The following ATRN variants were observed in gnomAD, a reference collection of about 807,000 sequenced individuals.
The protein encoded by ATRN is attractin-2.
ATRN carries 54 observed loss-of-function variants against 178.7 expected under a neutral mutation model. The ratio of observed to expected loss-of-function variants is 0.30; its 90% CI spans 0.24 to 0.38. The LOEUF (loss-of-function observed/expected upper bound fraction) is 0.38. Ranked by LOEUF, ATRN falls within the 10% of genes least tolerant of loss-of-function variation. The pLI, the probability that ATRN is intolerant of heterozygous loss-of-function variation, is 1.00. For synonymous variants in ATRN, 636 were observed against 663.0 expected, an observed-to-expected ratio of 0.96 and a Z score of 0.63; for missense variants, 1,443 against 1,815.1, an observed-to-expected ratio of 0.79 and a Z score of 3.73.
intron 24 of ATRN, among the ~76,000 whole-genome samples, chr20:3,618,793 G>A (rs992619410): frequency 6.6e-6 from 1 of 152,200 alleles, no homozygotes. Flanking sequence ...CTGGTCCAGA[G>A]CTGTGGTCTT....
chr20:3,580,166 G>C (rs2086263319), intron 15 of ATRN, among the ~76,000 whole-genome samples: 1 of 151,992 alleles, frequency 6.6e-6, no homozygotes, highest in Admixed American at 6.6e-5. Context: ...TCCATCCTTG[G>C]CTGGCAGCTG....
chr20:3,561,922 T>C (rs990723682), intron 8 of ATRN, among the ~76,000 whole-genome samples: 1 of 152,058 alleles, frequency 6.6e-6, no homozygotes, highest in African/African-American at 2.4e-5. Flanking sequence ...AGATGGGATC[T>C]TGCTATGTTG....
At chr20:3,559,343 G>A (rs2085920292) in intron 6 of ATRN, 50 bp from the exon 7 acceptor site, 3 of 1,318,436 alleles carry the variant, frequency 2.3e-6, no homozygotes, top group Non-Finnish European at 2.2e-6. Flanking sequence ...AATAGTATGA[G>A]ATGTTCTGTC....
chr20:3,475,031 CAAAAAA>C (rs1189030441), intron 1 of ATRN, among the ~76,000 whole-genome samples: 2 of 55,806 alleles, frequency 3.6e-5, no homozygotes, highest in Non-Finnish European at 7.6e-5. Flanking sequence ...GACTCCATCT[CAAAAAA>C]AAAAAAAAAA....
At chr20:3,600,119 GA>G (rs1231697603) in intron 22 of ATRN, among the ~76,000 whole-genome samples, 1 of 152,154 alleles carries the variant, frequency 6.6e-6, no homozygotes, top group Non-Finnish European at 1.5e-5. Context: ...CCAGTTAAGA[GA>G]TGTACTAGTC....
chr20:3,582,372 T>A lies in ATRN; in HGVS notation c.2764+18T>A. Reference sequence around the variant, plus strand: ...AAGGCCTGGTAAGTTCACAGGTGAATTAGGTGGTATTCAGAGTTTATTGTG... The same window carrying A: ...AAGGCCTGGTAAGTTCACAGGTGAAATAGGTGGTATTCAGAGTTTATTGTG... On this transcript the variant is annotated intron_variant, in intron 16 of 28. Transcript: ENST00000262919. The A allele has an allele frequency of 6.2e-7, 1 of 1,607,012 alleles. No individual in the cohort carries two copies.
At chr20:3,622,541 T>C (rs1207084169) in intron 24 of ATRN, among the ~76,000 whole-genome samples, 1 of 152,244 alleles carries the variant, frequency 6.6e-6, no homozygotes, top group Non-Finnish European at 1.5e-5. Context: ...AGCACTCTCC[T>C]TCATCTTCAG....
At chr20:3,471,654 C>T (rs2084425898) in intron 1 of ATRN, 137 bp downstream of exon 1, 2 of 1,159,154 alleles carry the variant, frequency 1.7e-6, no homozygotes, top group East Asian at 3.2e-5. Flanking sequence ...GTTTGAGGGC[C>T]ATTTGCTTCC....
At chr20:3,553,670 C>A (rs1459619852) in intron 6 of ATRN, among the ~76,000 whole-genome samples, 1 of 152,186 alleles carries the variant, frequency 6.6e-6, no homozygotes, top group African/African-American at 2.4e-5. Context: ...CCCCACCAAC[C>A]TGCTTTCTTA....
At chr20:3,529,254 C>T (rs1350118998) in intron 1 of ATRN, among the ~76,000 whole-genome samples, 2 of 152,184 alleles carry the variant, frequency 1.3e-5, no homozygotes, top group Admixed American at 6.5e-5. Context: ...ACTCTCATAT[C>T]TTGAAAATGT....
chr20:3,486,194 A>G (rs1274099492), intron 1 of ATRN, among the ~76,000 whole-genome samples: 2 of 152,044 alleles, frequency 1.3e-5, no homozygotes, highest in Non-Finnish European at 2.9e-5. Flanking sequence ...ATTTCAAATA[A>G]ACAAAAATGG....
intron 25 of ATRN, among the ~76,000 whole-genome samples, chr20:3,633,462 A>AT (rs2087003617): frequency 6.6e-6 from 1 of 152,210 alleles, no homozygotes; most frequent in East Asian, 1.9e-4. Flanking sequence ...ACAAACGCAG[A>AT]GCTCAGCCAG....
chr20:3,648,143 A>AG lies in ATRN; in HGVS notation c.*1298dup, dbSNP rs2087120449. The AG allele has an allele frequency of 6.6e-6, 1 of 152,176 alleles. No individual in the cohort carries two copies. The highest frequency in any genetic ancestry group is 6.5e-5 in the Admixed American group (1 of 15,286). 9.4% of individuals were successfully genotyped at this position (152,176 alleles called of 1,614,324 possible). A position where few individuals can be genotyped will look rare whatever the true frequency, so the allele number is the denominator to read the frequency against. ...GCAGAAGCTGCCCAAAGCCTGGAGAAGGACTTGTTTGCCCTCTTTCCCCCA... is the reference window on the plus strand; with the variant it reads ...GCAGAAGCTGCCCAAAGCCTGGAGAAGGGACTTGTTTGCCCTCTTTCCCCCA... On this transcript the variant is annotated 3_prime_UTR_variant, in exon 29 of 29. Transcript: ENST00000262919.
At chr20:3,646,615 T>C (rs1309561465) in intron 28 of ATRN, 108 bp from the exon 29 acceptor site, 1 of 1,398,886 alleles carries the variant, frequency 7.1e-7, no homozygotes, top group East Asian at 2.6e-5. Context: ...GTTTTTTGGT[T>C]TGTTTGTTTT....
chr20:3,587,818 G>T (rs1222339599), intron 18 of ATRN, among the ~76,000 whole-genome samples: 1 of 151,388 alleles, frequency 6.6e-6, no homozygotes, highest in Admixed American at 6.6e-5. Context: ...CCAATTTGGG[G>T]TGTATTGCCT....
intron 1 of ATRN, among the ~76,000 whole-genome samples, chr20:3,500,177 G>C (rs567364317): frequency 1.3e-5 from 2 of 152,216 alleles, no homozygotes; most frequent in South Asian, 4.2e-4. Flanking sequence ...TCAAAAGTCA[G>C]GAAACAACAG....
At chr20:3,610,567 A>ATTTTTTTT (rs35770410) in intron 24 of ATRN, among the ~76,000 whole-genome samples, 2 of 93,650 alleles carry the variant, frequency 2.1e-5, no homozygotes, top group Non-Finnish European at 4.0e-5. Flanking sequence ...TTCCAGCTGA[A>ATTTTTTTT]TTTTTTTTTT....
chr20:3,561,168 C>G (rs929310086), intron 8 of ATRN, among the ~76,000 whole-genome samples: 1 of 152,026 alleles, frequency 6.6e-6, no homozygotes, highest in Non-Finnish European at 1.5e-5. Context: ...ACTAAAAATA[C>G]AAAAATTAGC....
chr20:3,525,845 C>T (rs2085356909), intron 1 of ATRN, among the ~76,000 whole-genome samples: 1 of 152,176 alleles, frequency 6.6e-6, no homozygotes, highest in Non-Finnish European at 1.5e-5. Context: ...CAATAAAATT[C>T]AACAGCTCTT....
Sources: allele counts gnomAD v4.1 joint callset (sites outside exome capture counted in the v4.1 genomes callset), GRCh38; gene constraint gnomAD v4.1.1; transcripts MANE v1.5; gene names NCBI Gene and HGNC (gene_info 2026-07-23, HGNC 2026-07-21).